The following CEP112 variants were observed in gnomAD, a reference collection of about 807,000 sequenced individuals.
CEP112 encodes the protein centrosomal protein 112.
CEP112 carries 127 observed loss-of-function variants against 153.0 expected under a neutral mutation model. That is an observed-to-expected ratio of 0.83 (90% CI 0.72 to 0.96). The LOEUF is 0.96. CEP112 is among the 40% of genes least tolerant of loss of function. The probability of loss-of-function intolerance (pLI) is 0.00; values close to 1 mark genes in which losing one functional copy is unlikely to be tolerated. For missense variants in CEP112, 1,089 were observed against 1,101.2 expected, an observed-to-expected ratio of 0.99 and a Z score of 0.16; for synonymous variants, 358 against 374.4, an observed-to-expected ratio of 0.96 and a Z score of 0.51.
At chr17:66,109,143 G>C (rs2068908837) in intron 6 of CEP112, among the ~76,000 whole-genome samples, 1 of 152,156 alleles carries the variant, frequency 6.6e-6, no homozygotes, top group African/African-American at 2.4e-5. Context: ...TGGGGAAAGT[G>C]GGGATGGTTA....
At chr17:65,988,684 C>A (rs979798334) in intron 17 of CEP112, among the ~76,000 whole-genome samples, 3 of 151,948 alleles carry the variant, frequency 2.0e-5, no homozygotes, top group Non-Finnish European at 4.4e-5. Flanking sequence ...ATTGAAAGAA[C>A]CTGTGAGCTT....
chr17:66,093,165 C>A (rs768257073), intron 8 of CEP112, among the ~76,000 whole-genome samples: 8 of 152,036 alleles, frequency 5.3e-5, no homozygotes, highest in Non-Finnish European at 1.0e-4. Flanking sequence ...GAAACCTTGT[C>A]TCTACCAAAA....
intron 12 of CEP112, among the ~76,000 whole-genome samples, chr17:66,039,461 A>G (rs2065881693): frequency 6.6e-6 from 1 of 152,112 alleles, no homozygotes; most frequent in African/African-American, 2.4e-5. Context: ...ATATTTTCAT[A>G]AGAAGAAGAA....
At chr17:65,728,977 CTT>C (rs1238169586) in intron 23 of CEP112, among the ~76,000 whole-genome samples, 1 of 151,932 alleles carries the variant, frequency 6.6e-6, no homozygotes, top group African/African-American at 2.4e-5. Context: ...ACTTTATAAA[CTT>C]AAAAAAAAAT....
chr17:65,726,511 G>A (rs2050188748), intron 23 of CEP112, among the ~76,000 whole-genome samples: 1 of 152,126 alleles, frequency 6.6e-6, no homozygotes, highest in Admixed American at 6.5e-5. Flanking sequence ...TGAACAGCAT[G>A]AGAGAAGGCA....
chr17:65,783,213 T>TG (rs1371408535), intron 21 of CEP112, among the ~76,000 whole-genome samples: 1 of 152,044 alleles, frequency 6.6e-6, no homozygotes, highest in Non-Finnish European at 1.5e-5. Context: ...TAAATGCAAA[T>TG]CAAACACATT....
At chr17:66,042,842 T>TA (rs35292118) in intron 12 of CEP112, among the ~76,000 whole-genome samples, 13 of 151,830 alleles carry the variant, frequency 8.6e-5, no homozygotes, top group African/African-American at 1.9e-4. Context: ...CTAAAACTAT[T>TA]AAAAAAAAGT....
intron 24 of CEP112, among the ~76,000 whole-genome samples, chr17:65,657,170 T>TA (rs1327571107): frequency 1.3e-5 from 2 of 152,200 alleles, no homozygotes; most frequent in Non-Finnish European, 2.9e-5. Context: ...TCAGACTTTT[T>TA]ATATATGGTT....
At chr17:65,647,211 T>C (rs1381265320) in intron 24 of CEP112, among the ~76,000 whole-genome samples, 5 of 151,370 alleles carry the variant, frequency 3.3e-5, no homozygotes, top group African/African-American at 1.2e-4. Flanking sequence ...TTTGCTTTTG[T>C]TGCCCAGGCT....
At chr17:65,905,883 T>C (rs1254310857) in intron 19 of CEP112, among the ~76,000 whole-genome samples, 1 of 151,934 alleles carries the variant, frequency 6.6e-6, no homozygotes, top group Non-Finnish European at 1.5e-5. Flanking sequence ...GGGCGGAGCT[T>C]GCAGTGAGCC....
At chr17:65,971,555 C>T (rs1473623045) in intron 17 of CEP112, among the ~76,000 whole-genome samples, 2 of 152,164 alleles carry the variant, frequency 1.3e-5, no homozygotes, top group Non-Finnish European at 2.9e-5. Flanking sequence ...ATGTATGTTA[C>T]ATGTGTGTTG....
intron 21 of CEP112, among the ~76,000 whole-genome samples, chr17:65,830,533 C>A (rs1170289828): frequency 6.6e-6 from 1 of 152,158 alleles, no homozygotes; most frequent in Non-Finnish European, 1.5e-5. Flanking sequence ...GGACAAACAG[C>A]CGGCACTGAT....
chr17:65,756,360 C>A (rs1025975705), intron 21 of CEP112, among the ~76,000 whole-genome samples: 1 of 129,322 alleles, frequency 7.7e-6, no homozygotes, highest in Non-Finnish European at 1.6e-5. Context: ...GAGCTGAGAT[C>A]GTGCCATTGC....
At chr17:66,100,166 G>A (rs867869138) in intron 6 of CEP112, among the ~76,000 whole-genome samples, 34 of 151,966 alleles carry the variant, frequency 2.2e-4, no homozygotes, top group African/African-American at 6.8e-4. Context: ...GCCTGTAACC[G>A]AGGTGGGCGG....
At chr17:65,662,014 G>A (rs1322379327) in intron 24 of CEP112, among the ~76,000 whole-genome samples, 1 of 151,878 alleles carries the variant, frequency 6.6e-6, no homozygotes, top group African/African-American at 2.4e-5. Context: ...TGTCACCCAG[G>A]CTAGAGTGCA....
At chr17:66,140,120 A>G (rs1285876630) in intron 4 of CEP112, among the ~76,000 whole-genome samples, 2 of 152,228 alleles carry the variant, frequency 1.3e-5, no homozygotes, top group Non-Finnish European at 2.9e-5. Context: ...AGGATGGTAC[A>G]ATATATGCTA....
chr17:65,726,037 G>T (rs561973243), intron 23 of CEP112, among the ~76,000 whole-genome samples: 1 of 152,064 alleles, frequency 6.6e-6, no homozygotes, highest in African/African-American at 2.4e-5. Context: ...ATGAAGAAAC[G>T]AAAAGTGTGA....
At chr17:65,763,631 G>C (rs1003294208) in intron 21 of CEP112, among the ~76,000 whole-genome samples, 1 of 151,552 alleles carries the variant, frequency 6.6e-6, no homozygotes, top group Non-Finnish European at 1.5e-5. Context: ...ATTTCTGTTA[G>C]GGTTTTTGAT....
At position 66,014,914 on chromosome 17, in the gene CEP112, A is replaced by C. The variant is rs2064706562; in HGVS notation, c.1657-9145T>G. On this transcript the variant is annotated intron_variant, in intron 16 of 26. Coordinates refer to ENST00000535342, the MANE Select transcript of CEP112 (RefSeq NM_001199165.4). ...TGCATCTAGTCAGCCATCATTTCCC[A>C]CATTTATTGATTTACCTATCTTGAG... Among the ~76,000 whole-genome samples the C allele has an allele frequency of 2.6e-5, 4 of 152,194 alleles. No homozygotes were observed. In the South Asian group the frequency reaches 8.3e-4, roughly 32 times the overall value.
Sources: gnomAD v4.1 joint callset for allele counts (sites outside exome capture counted in the v4.1 genomes callset) on GRCh38, gnomAD v4.1.1 for gene constraint, MANE v1.5 for transcripts, NCBI Gene and HGNC (gene_info 2026-07-23, HGNC 2026-07-21) for gene names.